ANO10: variants seen among roughly 807,000 people sequenced by gnomAD.
The protein encoded by ANO10 is anoctamin 10.
In ANO10, 77 loss-of-function variants were observed where a neutral mutation model predicts 74.7. That is an observed-to-expected ratio of 1.03 (90% CI 0.86 to 1.25). The LOEUF (loss-of-function observed/expected upper bound fraction) is 1.25. Ranked by LOEUF, ANO10 falls within the 50% of genes most tolerant of loss-of-function variation. ANO10 has a pLI of 0.00. For missense variants in ANO10, 721 were observed against 778.1 expected, an observed-to-expected ratio of 0.93 and a Z score of 0.87; for synonymous variants, 279 against 284.9, an observed-to-expected ratio of 0.98 and a Z score of 0.21.
chr3:43,545,754 TAA>T (rs1387684437), intron 11 of ANO10, among the ~76,000 whole-genome samples: 3 of 152,206 alleles, frequency 2.0e-5, no homozygotes, highest in African/African-American at 7.2e-5. Context: ...GAAATATATT[TAA>T]GTTATACAAC....
chr3:43,424,472 C>T (rs1246201383), intron 12 of ANO10: 2 of 152,232 alleles, frequency 1.3e-5, no homozygotes, highest in Non-Finnish European at 2.9e-5. Context: ...CCCAGTTACT[C>T]CTGCAGATAA....
chr3:43,542,885 C>T (rs6763411), intron 11 of ANO10, among the ~76,000 whole-genome samples: 14,030 of 152,230 alleles, frequency 0.092, 1,011 homozygotes, highest in African/African-American at 0.2. Context: ...ATCTATGCCT[C>T]GCCTTGTGAG....
chr3:43,492,611 C>A (rs1217484905), intron 11 of ANO10, among the ~76,000 whole-genome samples: 1 of 152,054 alleles, frequency 6.6e-6, no homozygotes, highest in Admixed American at 6.6e-5. Flanking sequence ...ACAACCCCAT[C>A]AAAAAATGGG....
chr3:43,451,628 T>C (rs966173631), intron 11 of ANO10, among the ~76,000 whole-genome samples: 2 of 151,944 alleles, frequency 1.3e-5, no homozygotes, highest in Non-Finnish European at 2.9e-5. Flanking sequence ...AGGGTGGGGA[T>C]TAGGGGGTGG....
chr3:43,389,385 G>C (rs978209208), intron 12 of ANO10, among the ~76,000 whole-genome samples: 10 of 152,188 alleles, frequency 6.6e-5, no homozygotes, highest in African/African-American at 2.4e-4. Flanking sequence ...AAGTCATTTT[G>C]TTAAAAGGAC....
At chr3:43,516,819 A>T (rs2077731739) in intron 11 of ANO10, among the ~76,000 whole-genome samples, 1 of 152,228 alleles carries the variant, frequency 6.6e-6, no homozygotes. Context: ...TTTCAACGTG[A>T]GTAACATGAA....
At chr3:43,425,548 A>T (rs190369171) in intron 12 of ANO10, among the ~76,000 whole-genome samples, 3 of 152,268 alleles carry the variant, frequency 2.0e-5, no homozygotes, top group Admixed American at 2.0e-4. Context: ...TGGAAAGCTG[A>T]ATTCTCAGCC....
intron 1 of ANO10, among the ~76,000 whole-genome samples, chr3:43,620,192 A>G (rs2083315875): frequency 1.3e-5 from 2 of 152,204 alleles, no homozygotes; most frequent in African/African-American, 4.8e-5. Flanking sequence ...TAAAAAAAGA[A>G]TGAATCCACA....
intron 12 of ANO10, among the ~76,000 whole-genome samples, chr3:43,384,896 C>T (rs1347334591): frequency 6.6e-6 from 1 of 152,038 alleles, no homozygotes; most frequent in African/African-American, 2.4e-5. Flanking sequence ...AAAGCAAATG[C>T]AACAAAAATA....
chr3:43,432,541 G>T, intron 12 of ANO10, 70 bp downstream of exon 12: 1 of 1,298,070 alleles, frequency 7.7e-7, no homozygotes, highest in South Asian at 1.2e-5. Context: ...TGCTGAGACT[G>T]ATTCTTCTGA....
chr3:43,593,360 A>G (rs2081904746), intron 4 of ANO10, among the ~76,000 whole-genome samples: 1 of 152,210 alleles, frequency 6.6e-6, no homozygotes, highest in African/African-American at 2.4e-5. Context: ...AGACAGAGAG[A>G]AAGGTCGGGT....
chr3:43,418,188 A>T (rs2092770549), intron 12 of ANO10, among the ~76,000 whole-genome samples: 1 of 152,196 alleles, frequency 6.6e-6, no homozygotes, highest in Non-Finnish European at 1.5e-5. Flanking sequence ...GAGGCAGGGG[A>T]ATCGTCTGAA....
chr3:43,580,583 A>G (rs1575476204), intron 4 of ANO10, 111 bp from the exon 5 acceptor site: 22 of 1,294,178 alleles, frequency 1.7e-5, no homozygotes, highest in Admixed American at 3.7e-5. Context: ...GCAAAGGTCA[A>G]TGTCATACTG....
intron 12 of ANO10, among the ~76,000 whole-genome samples, chr3:43,391,305 T>C (rs1434683189): frequency 1.3e-5 from 2 of 152,222 alleles, no homozygotes; most frequent in South Asian, 2.1e-4. Flanking sequence ...TCTAAAGTAT[T>C]ACTGCAGAAC....
chr3:43,620,361 T>C (rs1463920453), intron 1 of ANO10, among the ~76,000 whole-genome samples: 1 of 152,192 alleles, frequency 6.6e-6, no homozygotes, highest in Non-Finnish European at 1.5e-5. Flanking sequence ...TAATTTTGTG[T>C]ACATTCATAT....
intron 1 of ANO10, among the ~76,000 whole-genome samples, chr3:43,615,242 T>C (rs992099762): frequency 3.3e-5 from 5 of 152,016 alleles, no homozygotes; most frequent in African/African-American, 4.8e-5. Context: ...AAAACTTAGG[T>C]GAAAGAGATT....
rs966654263 is a variant in ANO10, at chr3:43,399,196, A to G, written c.1915-32222T>C. Among the ~76,000 whole-genome samples, 7 of 152,344 alleles carry G rather than the reference A, an allele frequency of 4.6e-5. No homozygotes were observed. The East Asian group carries it at 1.2e-3, about 25-fold the overall frequency. Reference sequence around the variant, plus strand: ...TTAGAACAGTGTCTGAAGAGTTGCAAATACTCACTAAATGTTAGCTGTTAC... The same window carrying G: ...TTAGAACAGTGTCTGAAGAGTTGCAGATACTCACTAAATGTTAGCTGTTAC... On this transcript the variant is annotated intron_variant, in intron 12 of 12. Transcript: ENST00000292246.
intron 4 of ANO10, among the ~76,000 whole-genome samples, chr3:43,595,479 T>G (rs1476083915): frequency 6.6e-6 from 1 of 152,112 alleles, no homozygotes; most frequent in African/African-American, 2.4e-5. Flanking sequence ...ATAAACATAA[T>G]CCATCGTATA....
intron 12 of ANO10, among the ~76,000 whole-genome samples, chr3:43,428,795 G>GAAAAAAAAA (rs1245373022): frequency 5.9e-4 from 2 of 3,418 alleles, no homozygotes; most frequent in African/African-American, 9.3e-4. Flanking sequence ...CTTTGTGAAT[G>GAAAAAAAAA]CAAAAAAAAA....
Sources: gnomAD v4.1 joint callset for allele counts (sites outside exome capture counted in the v4.1 genomes callset) on GRCh38, gnomAD v4.1.1 for gene constraint, MANE v1.5 for transcripts, NCBI Gene and HGNC (gene_info 2026-07-23, HGNC 2026-07-21) for gene names.